The following SLC24A2 variants were observed in gnomAD, a reference collection of about 807,000 sequenced individuals.
SLC24A2 encodes sodium/potassium/calcium exchanger 2.
SLC24A2 carries 36 observed loss-of-function variants against 62.0 expected under a neutral mutation model. The observed-to-expected ratio is 0.58, with a 90% confidence interval of 0.44 to 0.77. The LOEUF (loss-of-function observed/expected upper bound fraction) is 0.77. Among genes scored for constraint, SLC24A2 ranks in the 30% least tolerant of loss-of-function variants. The pLI is 0.00. For synonymous variants in SLC24A2, 358 were observed against 294.0 expected, an observed-to-expected ratio of 1.22 and a Z score of -2.23; for missense variants, 846 against 817.9, an observed-to-expected ratio of 1.03 and a Z score of -0.42.
At chr9:19,721,437 G>A (rs1821022355) in intron 2 of SLC24A2, among the ~76,000 whole-genome samples, 1 of 152,010 alleles carries the variant, frequency 6.6e-6, no homozygotes. Context: ...TTTGACTGGT[G>A]CACCAACAAC....
chr9:20,014,189 C>A, the SLC24A2 span, among the ~76,000 whole-genome samples: 1 of 151,984 alleles, frequency 6.6e-6, no homozygotes, highest in Non-Finnish European at 1.5e-5. Flanking sequence ...GCCTGGGTGA[C>A]AGAGCAAGAC....
At chr9:20,307,554 G>A in the SLC24A2 span, among the ~76,000 whole-genome samples, 1 of 152,184 alleles carries the variant, frequency 6.6e-6, no homozygotes, top group Non-Finnish European at 1.5e-5. Flanking sequence ...TAGGCATTGT[G>A]AGAAACTCCT....
At chr9:19,881,695 T>A in the SLC24A2 span, among the ~76,000 whole-genome samples, 1 of 152,180 alleles carries the variant, frequency 6.6e-6, no homozygotes, top group African/African-American at 2.4e-5. Context: ...TTAGTAGTTA[T>A]TTTTCTCATT....
chr9:20,125,619 G>T, the SLC24A2 span, among the ~76,000 whole-genome samples: 4 of 152,098 alleles, frequency 2.6e-5, no homozygotes, highest in South Asian at 2.1e-4. Context: ...ATTCCACTGG[G>T]CCCAGGTCAG....
intron 4 of SLC24A2, among the ~76,000 whole-genome samples, chr9:19,618,929 G>A (rs973324983): frequency 6.6e-6 from 1 of 152,186 alleles, no homozygotes; most frequent in African/African-American, 2.4e-5. Flanking sequence ...AATGTATTTG[G>A]CCTCATTGTG....
chr9:20,095,230 C>T, the SLC24A2 span, among the ~76,000 whole-genome samples: 1 of 152,116 alleles, frequency 6.6e-6, no homozygotes, highest in Non-Finnish European at 1.5e-5. Context: ...CACATATTTT[C>T]CTAAATTCTC....
chr9:19,790,169 C>G (rs1011268432), upstream of SLC24A2, among the ~76,000 whole-genome samples: 1 of 152,074 alleles, frequency 6.6e-6, no homozygotes, highest in South Asian at 2.1e-4. Context: ...TTCCTGGGCT[C>G]TAGCCATCCT....
intron 7 of SLC24A2, among the ~76,000 whole-genome samples, chr9:19,554,188 A>AGGCAGC (rs1434523743): frequency 6.6e-6 from 1 of 152,196 alleles, no homozygotes; most frequent in Non-Finnish European, 1.5e-5. Context: ...CACAGCAAGA[A>AGGCAGC]GGCAGCGGCA....
chr9:19,909,096 C>T, the SLC24A2 span, among the ~76,000 whole-genome samples: 799 of 152,144 alleles, frequency 5.3e-3, 6 homozygotes, highest in African/African-American at 0.018. Flanking sequence ...TGTCCAACAA[C>T]GATAGACTGG....
At chr9:20,251,584 A>G in the SLC24A2 span, among the ~76,000 whole-genome samples, 1 of 152,252 alleles carries the variant, frequency 6.6e-6, no homozygotes, top group Non-Finnish European at 1.5e-5. Context: ...GAAAGCGTTA[A>G]TAAGATAAAG....
the SLC24A2 span, among the ~76,000 whole-genome samples, chr9:20,136,101 T>A: frequency 1.3e-4 from 20 of 152,150 alleles, no homozygotes; most frequent in African/African-American, 4.6e-4. Flanking sequence ...ATAGAACAAG[T>A]AAACCCCACG....
At chr9:20,057,083 C>A in the SLC24A2 span, among the ~76,000 whole-genome samples, 1 of 152,278 alleles carries the variant, frequency 6.6e-6, no homozygotes, top group Non-Finnish European at 1.5e-5. Context: ...CTTGATTGAA[C>A]CCCAAGTGGG....
intron 10 of SLC24A2, 57 bp from the exon 11 acceptor site, chr9:19,516,459 A>C: frequency 6.3e-7 from 1 of 1,594,866 alleles, no homozygotes; most frequent in Non-Finnish European, 8.6e-7. Flanking sequence ...GTAGTCAGAC[A>C]CGTTGAAGAA....
the SLC24A2 span, among the ~76,000 whole-genome samples, chr9:19,923,028 C>T: frequency 6.7e-6 from 1 of 149,306 alleles, no homozygotes; most frequent in East Asian, 1.9e-4. Context: ...TTAATTTAAC[C>T]TACCAGTTTT....
At chr9:20,101,700 A>G in the SLC24A2 span, among the ~76,000 whole-genome samples, 1 of 152,152 alleles carries the variant, frequency 6.6e-6, no homozygotes, top group Admixed American at 6.5e-5. Flanking sequence ...GGACATTATA[A>G]CTGCTGATGA....
At chr9:19,640,044 A>G (rs1418500519) in intron 2 of SLC24A2, among the ~76,000 whole-genome samples, 1 of 152,262 alleles carries the variant, frequency 6.6e-6, no homozygotes, top group African/African-American at 2.4e-5. Context: ...AGATGAATGA[A>G]GAAATTAAAA....
intron 7 of SLC24A2, among the ~76,000 whole-genome samples, chr9:19,557,654 C>T (rs1008037549): frequency 2.6e-4 from 40 of 152,180 alleles, no homozygotes; most frequent in Non-Finnish European, 5.6e-4. Context: ...CCCCTAGCTG[C>T]TCTTTCACTG....
chr9:19,661,531 T>G (rs964118107), intron 2 of SLC24A2, among the ~76,000 whole-genome samples: 1 of 152,178 alleles, frequency 6.6e-6, no homozygotes, highest in Non-Finnish European at 1.5e-5. Flanking sequence ...AAAAATACAA[T>G]GTTGGACCAA....
the SLC24A2 span, among the ~76,000 whole-genome samples, chr9:20,168,121 A>G: frequency 6.6e-6 from 1 of 152,010 alleles, no homozygotes; most frequent in African/African-American, 2.4e-5. Context: ...GCATATATCA[A>G]TCTACATGTC....
Sources: allele counts gnomAD v4.1 joint callset (sites outside exome capture counted in the v4.1 genomes callset), GRCh38; gene constraint gnomAD v4.1.1; transcripts MANE v1.5; gene names NCBI Gene and HGNC (gene_info 2026-07-23, HGNC 2026-07-21).